GPC6: variants seen among roughly 807,000 people sequenced by gnomAD.
GPC6 encodes the protein glypican-6.
Under a neutral mutation model 55.2 loss-of-function variants are expected in GPC6, and 14 were observed. That is an observed-to-expected ratio of 0.25 (90% CI 0.17 to 0.40). The LOEUF is 0.40. GPC6 is among the 10% of genes least tolerant of loss of function. GPC6 has a pLI of 1.00. For synonymous variants in GPC6, 278 were observed against 259.6 expected (o/e 1.07, Z -0.68); for missense variants, 641 against 708.5 (o/e 0.90, Z 1.08).
chr13:94,001,288 C>T (rs575157054), intron 3 of GPC6, among the ~76,000 whole-genome samples: 1 of 152,200 alleles, frequency 6.6e-6, no homozygotes, highest in South Asian at 2.1e-4. Flanking sequence ...TTAAATTTAC[C>T]TAGCATTATT....
intron 2 of GPC6, among the ~76,000 whole-genome samples, chr13:93,708,471 GA>G (rs1213614959): frequency 6.6e-6 from 1 of 151,770 alleles, no homozygotes; most frequent in Non-Finnish European, 1.5e-5. Flanking sequence ...TGTGTTTAGA[GA>G]TATCTTTCAG....
intron 6 of GPC6, among the ~76,000 whole-genome samples, chr13:94,360,711 T>A (rs9589969): frequency 1.3e-5 from 2 of 151,872 alleles, no homozygotes; most frequent in African/African-American, 4.8e-5. Flanking sequence ...GCTATCCTCC[T>A]CCCCCCAAAT....
chr13:93,589,208 T>G (rs568277661), intron 2 of GPC6, among the ~76,000 whole-genome samples: 191 of 152,300 alleles, frequency 1.3e-3, no homozygotes, highest in African/African-American at 4.5e-3. Context: ...CTGAAGCTTA[T>G]TCTTTTTAAG....
intron 4 of GPC6, among the ~76,000 whole-genome samples, chr13:94,055,007 A>G (rs1884082366): frequency 6.6e-6 from 1 of 152,210 alleles, no homozygotes; most frequent in Non-Finnish European, 1.5e-5. Context: ...AAAAATGACT[A>G]GAAGTAATAA....
chr13:94,207,148 T>C (rs953622627), intron 4 of GPC6, among the ~76,000 whole-genome samples: 9 of 152,128 alleles, frequency 5.9e-5, no homozygotes, highest in Admixed American at 3.3e-4. Flanking sequence ...GGCTTTTTCC[T>C]TGTCTTTCCT....
At chr13:93,523,906 G>A (rs1026621960) in intron 1 of GPC6, among the ~76,000 whole-genome samples, 4 of 151,978 alleles carry the variant, frequency 2.6e-5, no homozygotes, top group Non-Finnish European at 5.9e-5. Flanking sequence ...GGAGAGTGTG[G>A]ATGCAGACCA....
At chr13:94,202,073 A>G (rs141598455) in intron 4 of GPC6, among the ~76,000 whole-genome samples, 350 of 152,280 alleles carry the variant, frequency 2.3e-3, no homozygotes, top group African/African-American at 7.7e-3. Flanking sequence ...ATGTATTGCC[A>G]TGTAGCTCTA....
At chr13:93,767,583 C>T (rs4628823) in intron 2 of GPC6, among the ~76,000 whole-genome samples, 142,885 of 152,226 alleles carry the variant, frequency 0.94, 67,083 homozygotes, top group Admixed American at 0.97. Context: ...TTTATTTTTA[C>T]AAGCAAATGG....
chr13:94,193,389 T>A (rs937085768), intron 4 of GPC6, among the ~76,000 whole-genome samples: 1 of 152,150 alleles, frequency 6.6e-6, no homozygotes, highest in Admixed American at 6.5e-5. Context: ...ATGCCGCTAA[T>A]GTAATGTGGA....
intron 4 of GPC6, among the ~76,000 whole-genome samples, chr13:94,078,764 A>G (rs982794517): frequency 6.6e-6 from 1 of 152,000 alleles, no homozygotes; most frequent in Non-Finnish European, 1.5e-5. Context: ...AAACCTCTCA[A>G]CAAAGAGAAG....
At chr13:93,901,686 A>G (rs1403441836) in intron 3 of GPC6, among the ~76,000 whole-genome samples, 1 of 152,032 alleles carries the variant, frequency 6.6e-6, no homozygotes, top group Non-Finnish European at 1.5e-5. Flanking sequence ...GTGGATCATG[A>G]GGTCAGCAAT....
At chr13:93,455,916 C>A (rs865924420) in intron 1 of GPC6, among the ~76,000 whole-genome samples, 2 of 152,270 alleles carry the variant, frequency 1.3e-5, no homozygotes, top group Admixed American at 6.5e-5. Context: ...TGTTTCATTT[C>A]AGAAAGAAAG....
intron 3 of GPC6, among the ~76,000 whole-genome samples, chr13:94,019,614 C>T (rs1407962682): frequency 6.6e-6 from 1 of 152,118 alleles, no homozygotes; most frequent in East Asian, 1.9e-4. Context: ...TTCTTTGTGT[C>T]TCTGAGTGTC....
chr13:93,890,558 A>G (rs1460950713), intron 3 of GPC6, among the ~76,000 whole-genome samples: 1 of 152,002 alleles, frequency 6.6e-6, no homozygotes, highest in Non-Finnish European at 1.5e-5. Context: ...TTTTAGATGA[A>G]AATTTGGAAT....
At chr13:93,624,066 C>A (rs768111538) in intron 2 of GPC6, among the ~76,000 whole-genome samples, 1 of 151,794 alleles carries the variant, frequency 6.6e-6, no homozygotes, top group Non-Finnish European at 1.5e-5. Flanking sequence ...AGAAATACAT[C>A]CTCACATGTA....
intron 4 of GPC6, among the ~76,000 whole-genome samples, chr13:94,141,477 C>A (rs1333535604): frequency 6.6e-6 from 1 of 152,070 alleles, no homozygotes; most frequent in Non-Finnish European, 1.5e-5. Flanking sequence ...CTGATGATCT[C>A]TATTTTAATA....
chr13:93,615,717 G>T (rs1447842553), intron 2 of GPC6, among the ~76,000 whole-genome samples: 1 of 152,136 alleles, frequency 6.6e-6, no homozygotes, highest in Non-Finnish European at 1.5e-5. Context: ...AGCTGTAAAT[G>T]TTACTGGGGT....
intron 6 of GPC6, among the ~76,000 whole-genome samples, chr13:94,349,233 A>G (rs922593158): frequency 6.6e-6 from 1 of 151,968 alleles, no homozygotes; most frequent in Non-Finnish European, 1.5e-5. Context: ...ATAAATTTCT[A>G]TCTGTGCCGC....
chr13:93,643,603 C>A (rs947986223), intron 2 of GPC6, among the ~76,000 whole-genome samples: 2 of 152,092 alleles, frequency 1.3e-5, no homozygotes, highest in African/African-American at 4.8e-5. Context: ...AGCTCCCCAT[C>A]TCTAGTGACA....
Sources: allele counts gnomAD v4.1 joint callset (sites outside exome capture counted in the v4.1 genomes callset), GRCh38; gene constraint gnomAD v4.1.1; transcripts MANE v1.5; gene names NCBI Gene and HGNC (gene_info 2026-07-23, HGNC 2026-07-21).